CEMIP: variants seen among roughly 807,000 people sequenced by gnomAD.
CEMIP encodes cell migration-inducing and hyaluronan-binding protein.
CEMIP carries 105 observed loss-of-function variants against 156.9 expected under a neutral mutation model. The observed-to-expected ratio is 0.67, with a 90% CI of 0.57 to 0.79. The LOEUF is 0.79. Ranked by LOEUF, CEMIP falls within the 30% of genes least tolerant of loss-of-function variation. The pLI is 0.00. For missense variants in CEMIP, 1,457 were observed against 1,769.4 expected, an observed-to-expected ratio of 0.82 and a Z score of 3.17; for synonymous variants, 676 against 668.4, an observed-to-expected ratio of 1.01 and a Z score of -0.17.
At chr15:80,812,248 G>A (rs1896689671) in intron 1 of CEMIP, among the ~76,000 whole-genome samples, 1 of 152,212 alleles carries the variant, frequency 6.6e-6, no homozygotes, top group South Asian at 2.1e-4. Context: ...ATTCTGCAAT[G>A]TTATAATTAC....
chr15:80,927,047 T>C lies in CEMIP; in HGVS notation c.2420+1292T>C, dbSNP rs570284762. Among the ~76,000 whole-genome samples, 461 of 152,296 alleles carry C rather than the reference T, an allele frequency of 3.0e-3. 1 individual carries two copies. Among genetic ancestry groups the C allele is most frequent in the Non-Finnish European group, 5.3e-3 (358 of 68,024 alleles). On this transcript the variant is annotated intron_variant, in intron 19 of 29. Coordinates refer to ENST00000394685, the MANE Select transcript of CEMIP (RefSeq NM_001293298.2). ...GGTTTCACCACATTGGCCAGGCTGG[T>C]CGCAAGCTCCTGACCTTGTGATTCG...
intron 27 of CEMIP, among the ~76,000 whole-genome samples, 153 bp downstream of exon 27, chr15:80,942,490 T>A (rs1901382374): frequency 6.6e-6 from 1 of 152,118 alleles, no homozygotes; most frequent in Admixed American, 6.5e-5. Flanking sequence ...ACCTGTTCCA[T>A]GCCTCTTCTC....
Position 80,895,961 on chromosome 15 carries a change from A to G in CEMIP, c.1312A>G (p.Thr438Ala), listed in dbSNP as rs1299086381. The change falls in exon 12 of 30, where the codon ACC becomes GCC. Residue 438 changes from threonine (T) to alanine (A), a missense_variant. Thr to Ala is a moderately conservative substitution (Grantham distance 58, BLOSUM62 0). Around this residue, in one of 5 missense-constraint regions of CEMIP, gnomAD observed 280 missense variants for 300.3 expected, o/e 0.93. Transcript: ENST00000394685. Reference sequence around the variant, plus strand: ...TGTACAGTCATGGAAACCTGGAGATACCCTGGTCATTGCCAGTACTGATTA... The same window carrying G: ...TGTACAGTCATGGAAACCTGGAGATGCCCTGGTCATTGCCAGTACTGATTA... ...DNVQSWKPGD[T>A]LVIASTDYSM... 2.5e-6 allele frequency: 4 copies of G among 1,614,162 alleles called. No homozygotes were observed. Among genetic ancestry groups the G allele is most frequent in the Non-Finnish European group, 3.4e-6 (4 of 1,180,006 alleles).
In CEMIP at chr15:80,906,371, T is replaced by TA. The variant is rs572476687; in HGVS notation, c.1412-288dup. On this transcript the variant is annotated intron_variant, in intron 12 of 29. Coordinates refer to ENST00000394685, the MANE Select transcript of CEMIP (RefSeq NM_001293298.2). This position sits in a 1 kb window ranked among gnomAD's most constrained non-coding sequence, Gnocchi z 4.3. The stretch of plus-strand genomic sequence containing the variant: ...TCCCTTGGGTGGCCCTGTGTCCAGC[T>TA]AAAATGCAGGAGTCTAGGACTGAAA... Among the ~76,000 whole-genome samples the TA allele has an allele frequency of 1.2e-4, 19 of 152,326 alleles. 1 individual carries two copies. The South Asian group carries it at 3.7e-3, about 30-fold the overall frequency.
Position 80,921,992 on chromosome 15 carries a change from G to A in CEMIP, c.2074-17G>A. The stretch of plus-strand genomic sequence containing the variant: ...GGCTGAACGCTGTGGCTTTTCCCTT[G>A]TGTCCTTCCCCAACAGGAAACTGGA... On this transcript the variant is annotated splice_polypyrimidine_tract_variant and intron_variant, in intron 16 of 29. Coordinates refer to ENST00000394685, the MANE Select transcript of CEMIP (RefSeq NM_001293298.2). 2 of 1,614,014 alleles carry A rather than the reference G, an allele frequency of 1.2e-6. No homozygotes were observed. The highest frequency in any genetic ancestry group is 1.7e-6 in the Non-Finnish European group (2 of 1,179,970).
intron 26 of CEMIP, 46 bp downstream of exon 26, chr15:80,942,099 G>A: frequency 1.3e-6 from 2 of 1,584,574 alleles, no homozygotes; most frequent in Non-Finnish European, 1.7e-6. Context: ...CGTCCAGTCG[G>A]GCCTAGAGCC....
At chr15:80,800,833 T>C (rs1596098200) in intron 1 of CEMIP, among the ~76,000 whole-genome samples, 1 of 152,206 alleles carries the variant, frequency 6.6e-6, no homozygotes, top group African/African-American at 2.4e-5. Flanking sequence ...CTAATAACTT[T>C]CCAAAAACCT....
At chr15:80,788,291 T>C (rs1324877248) in intron 1 of CEMIP, among the ~76,000 whole-genome samples, 1 of 151,588 alleles carries the variant, frequency 6.6e-6, no homozygotes, top group Admixed American at 6.6e-5. Context: ...GCCAACATGG[T>C]GAAATGCTGT....
chr15:80,803,613 C>T (rs1280547977), intron 1 of CEMIP, among the ~76,000 whole-genome samples: 1 of 152,170 alleles, frequency 6.6e-6, no homozygotes, highest in Non-Finnish European at 1.5e-5. Context: ...CTCCTTTAGA[C>T]TTCCCAACAG....
chr15:80,857,160 T>C lies in CEMIP; in HGVS notation c.-175-16378T>C, dbSNP rs374161798. On this transcript the variant is annotated intron_variant, in intron 1 of 29. Transcript: ENST00000394685. ...GGAGGAGTAGAGAAAGTCTATCTGC[T>C]GTGCAAACATTCCCTGTCTCTGCCC... 1.7e-4 allele frequency among the ~76,000 whole-genome samples: 26 copies of C among 152,364 alleles called. No individual in the cohort carries two copies. In the East Asian group the frequency reaches 4.4e-3, roughly 26 times the overall value.
intron 12 of CEMIP, among the ~76,000 whole-genome samples, chr15:80,905,587 G>T (rs1899766366): frequency 6.6e-6 from 1 of 152,116 alleles, no homozygotes; most frequent in African/African-American, 2.4e-5. Context: ...AAAACAGAGG[G>T]GTTAGGTGCA....
chr15:80,822,759 T>C (rs971174708), intron 1 of CEMIP, among the ~76,000 whole-genome samples: 3 of 152,204 alleles, frequency 2.0e-5, no homozygotes, highest in African/African-American at 7.2e-5. Flanking sequence ...TCATGTTGTT[T>C]GTGGCATCAA....
rs528366291 is a variant in CEMIP at position 80,942,827 on chromosome 15, G to A, written c.3700-118G>A. ...GAGTTAAGTGGATAATGGAGTTTACGCTTCAAATAGATGCATAGGCAACTT... is the reference window on the plus strand; with the variant it reads ...GAGTTAAGTGGATAATGGAGTTTACACTTCAAATAGATGCATAGGCAACTT... On this transcript the variant is annotated intron_variant, in intron 27 of 29. Coordinates refer to ENST00000394685, the MANE Select transcript of CEMIP (RefSeq NM_001293298.2). 445 of 1,177,870 alleles carry A rather than the reference G, an allele frequency of 3.8e-4. 2 individuals carry two copies. The highest frequency in any genetic ancestry group is 5.5e-4 in the South Asian group (45 of 81,636). 73.0% of individuals were successfully genotyped at this position (1,177,870 alleles called of 1,614,324 possible).
chr15:80,840,619 A>G (rs1404357129), intron 1 of CEMIP, among the ~76,000 whole-genome samples: 2 of 152,192 alleles, frequency 1.3e-5, no homozygotes, highest in Admixed American at 1.3e-4. Context: ...TGCAGGGGGA[A>G]ACTGCAGGGG....
chr15:80,916,879 GAAGA>G (rs1738679216), intron 14 of CEMIP, among the ~76,000 whole-genome samples: 1 of 152,106 alleles, frequency 6.6e-6, no homozygotes, highest in Non-Finnish European at 1.5e-5. Context: ...CTCCTAATGA[GAAGA>G]AAGAAATGCA....
At chr15:80,909,599 T>C (rs1899965245) in intron 14 of CEMIP, 1 of 504,082 alleles carries the variant, frequency 2.0e-6, no homozygotes, top group African/African-American at 1.9e-5. Flanking sequence ...AATCTGGAGA[T>C]CATTCCACGG....
chr15:80,843,953 C>T (rs564789900), intron 1 of CEMIP, among the ~76,000 whole-genome samples: 6 of 152,334 alleles, frequency 3.9e-5, no homozygotes, highest in African/African-American at 9.6e-5. Flanking sequence ...AGTCATTGCC[C>T]GAGGCTTCCT....
intron 1 of CEMIP, among the ~76,000 whole-genome samples, chr15:80,851,303 C>T (rs1382640266): frequency 1.3e-5 from 2 of 152,200 alleles, no homozygotes; most frequent in African/African-American, 2.4e-5. Flanking sequence ...TCTAATCCCT[C>T]TCTAGGTGAG....
chr15:80,879,259 G>A (rs2141823504), intron 4 of CEMIP, among the ~76,000 whole-genome samples: 1 of 152,294 alleles, frequency 6.6e-6, no homozygotes, highest in African/African-American at 2.4e-5. Flanking sequence ...TTCTGCTCGT[G>A]AATTCAACCA....
Sources: allele counts gnomAD v4.1 joint callset (sites outside exome capture counted in the v4.1 genomes callset), GRCh38; gene constraint gnomAD v4.1.1; regional missense constraint gnomAD v4.1.1; non-coding constraint Gnocchi (gnomAD v3.1); transcripts MANE v1.5; gene names NCBI Gene and HGNC (gene_info 2026-07-23, HGNC 2026-07-21).